The following ERC2 variants were observed in gnomAD, a reference collection of about 807,000 sequenced individuals.
ERC2 encodes ERC protein 2.
ERC2 carries 42 observed loss-of-function variants against 114.8 expected under a neutral mutation model. The observed-to-expected ratio is 0.37, with a 90% CI of 0.29 to 0.47. The LOEUF (loss-of-function observed/expected upper bound fraction) is 0.47, where lower values mean the gene tolerates loss of function less well. Ranked by LOEUF, ERC2 falls within the 20% of genes least tolerant of loss-of-function variation. The probability of loss-of-function intolerance (pLI) is 0.99; values close to 1 mark genes in which losing one functional copy is unlikely to be tolerated. For synonymous variants in ERC2, 454 were observed against 425.5 expected (o/e 1.07, Z -0.82); for missense variants, 939 against 1,150.7 (o/e 0.82, Z 2.66).
At chr3:56,189,721 T>A (rs1390430066) in intron 3 of ERC2, among the ~76,000 whole-genome samples, 2 of 152,168 alleles carry the variant, frequency 1.3e-5, no homozygotes, top group African/African-American at 4.8e-5. Context: ...GCACCACACA[T>A]GGAGCCTTTT....
intron 2 of ERC2, among the ~76,000 whole-genome samples, chr3:56,324,082 T>C (rs375827568): frequency 6.6e-6 from 1 of 152,314 alleles, no homozygotes; most frequent in South Asian, 2.1e-4. Flanking sequence ...TTCACCCTTA[T>C]TGGTAGTGAG....
At chr3:56,407,012 A>G (rs1347293470) in intron 2 of ERC2, among the ~76,000 whole-genome samples, 1 of 152,126 alleles carries the variant, frequency 6.6e-6, no homozygotes, top group Non-Finnish European at 1.5e-5. Context: ...TCTGCTTGGA[A>G]ATTTTCCTGG....
intron 7 of ERC2, among the ~76,000 whole-genome samples, chr3:56,068,573 C>T (rs1368907567): frequency 6.6e-6 from 1 of 151,710 alleles, no homozygotes; most frequent in African/African-American, 2.4e-5. Flanking sequence ...TAGTTATTTC[C>T]TGTCTTCAGT....
At chr3:56,434,116 A>C in intron 2 of ERC2, 20 of 495,638 alleles carry the variant, frequency 4.0e-5, no homozygotes, top group Non-Finnish European at 4.3e-5. Flanking sequence ...TCCCCACCCC[A>C]CCCCTCTCCC....
chr3:56,137,375 T>C (rs561540401), intron 6 of ERC2, among the ~76,000 whole-genome samples: 2 of 151,988 alleles, frequency 1.3e-5, no homozygotes, highest in African/African-American at 2.4e-5. Flanking sequence ...TGAAGAAAAA[T>C]GAATGCTCTA....
In ERC2 at chr3:55,599,322, A is replaced by G. The variant is rs533146622; in HGVS notation, c.*39+84472T>C. Among the ~76,000 whole-genome samples, 9 of 152,298 alleles carry G rather than the reference A, an allele frequency of 5.9e-5. No individual in the cohort carries two copies. In the South Asian group the frequency reaches 1.9e-3, roughly 32 times the overall value. On this transcript the variant is annotated intron_variant, in intron 17 of 17. Transcript: ENST00000288221. ...CATCCTATGAAGCATGGAGACTGCA[A>G]AGGAAGACAGAGAAGACAACTTGAT...
chr3:56,173,606 G>A (rs6764295), intron 3 of ERC2, 86 bp from the exon 4 acceptor site: 86,872 of 1,285,954 alleles, frequency 0.068, 4,083 homozygotes, highest in Admixed American at 0.18. Flanking sequence ...ACAGCCTGCT[G>A]GGTCCTGGTT....
intron 14 of ERC2, among the ~76,000 whole-genome samples, chr3:55,831,346 G>C (rs1575753532): frequency 9.0e-6 from 1 of 111,058 alleles, no homozygotes; most frequent in Non-Finnish European, 1.9e-5. Context: ...AGGAAGGGGA[G>C]GGGAGGGGAG....
At chr3:55,635,230 C>G (rs767963046) in intron 17 of ERC2, among the ~76,000 whole-genome samples, 1 of 151,856 alleles carries the variant, frequency 6.6e-6, no homozygotes, top group Non-Finnish European at 1.5e-5. Context: ...CTTATCCAGA[C>G]AGTCATCTGC....
chr3:56,212,604 G>T (rs1432843369), intron 3 of ERC2, among the ~76,000 whole-genome samples: 33 of 152,130 alleles, frequency 2.2e-4, no homozygotes, highest in Admixed American at 2.2e-3. Context: ...CCACTCCTGG[G>T]TATCTACCCA....
intron 2 of ERC2, among the ~76,000 whole-genome samples, chr3:56,306,480 C>T (rs893372532): frequency 4.6e-5 from 7 of 152,000 alleles, no homozygotes; most frequent in Non-Finnish European, 5.9e-5. Flanking sequence ...GAATATTGAA[C>T]GGAAGAAGTA....
intron 14 of ERC2, among the ~76,000 whole-genome samples, chr3:55,749,641 T>C (rs957620402): frequency 2.0e-5 from 3 of 152,114 alleles, no homozygotes; most frequent in African/African-American, 4.8e-5. Context: ...ATTCTAAAAG[T>C]AGCCAATTGC....
chr3:56,434,703 G>A lies in ERC2; in HGVS notation c.305C>T (p.Pro102Leu), dbSNP rs2061940995. 1 of 1,613,744 alleles carries A rather than the reference G, an allele frequency of 6.2e-7. No individual in the cohort carries two copies. Among genetic ancestry groups the A allele is most frequent in the Non-Finnish European group, 8.5e-7 (1 of 1,179,878 alleles). The change falls in exon 2 of 18, where the codon CCC (proline) becomes CTC (leucine). Residue 102 changes from proline (P) to leucine (L), a missense_variant. Physicochemically the swap from Pro to Leu is moderately conservative, Grantham distance 98. Transcript: ENST00000288221. ...GGAAAGTCCAGCAGAAGCAATATTGGGACTACTCCCCATGGCTGTGACACG... is the reference window on the plus strand; with the variant it reads ...GGAAAGTCCAGCAGAAGCAATATTGAGACTACTCCCCATGGCTGTGACACG... ...GGRVTAMGSS[P>L]NIASAGLSHT...
intron 10 of ERC2, among the ~76,000 whole-genome samples, chr3:55,994,104 T>G (rs958355517): frequency 6.6e-6 from 1 of 152,162 alleles, no homozygotes; most frequent in Admixed American, 6.5e-5. Context: ...TCTCTTTCAT[T>G]TTCATACTGT....
chr3:55,639,463 G>A (rs778401667), intron 17 of ERC2, among the ~76,000 whole-genome samples: 1 of 152,074 alleles, frequency 6.6e-6, no homozygotes, highest in Non-Finnish European at 1.5e-5. Context: ...CTACAGGAGG[G>A]AGAGAAAGTA....
intron 2 of ERC2, among the ~76,000 whole-genome samples, chr3:56,368,003 C>T (rs1473989533): frequency 6.8e-6 from 1 of 147,664 alleles, no homozygotes; most frequent in Admixed American, 6.7e-5. Context: ...AAAAGTCATA[C>T]CCAAAACATT....
intron 15 of ERC2, among the ~76,000 whole-genome samples, chr3:55,723,623 T>G (rs1185024165): frequency 1.3e-5 from 2 of 152,204 alleles, no homozygotes; most frequent in African/African-American, 4.8e-5. Flanking sequence ...AATTTTAAAT[T>G]CCAAGTCTGA....
At chr3:56,028,792 C>T (rs2074204187) in intron 7 of ERC2, among the ~76,000 whole-genome samples, 1 of 151,994 alleles carries the variant, frequency 6.6e-6, no homozygotes, top group Non-Finnish European at 1.5e-5. Flanking sequence ...AAAAGGATGA[C>T]ACTTTTTTCT....
chr3:56,187,596 G>T (rs1204476327), intron 3 of ERC2, among the ~76,000 whole-genome samples: 1 of 152,132 alleles, frequency 6.6e-6, no homozygotes, highest in Non-Finnish European at 1.5e-5. Flanking sequence ...CACTGTTATA[G>T]GTCCTGCAGA....
Sources: gnomAD v4.1 joint callset for allele counts (sites outside exome capture counted in the v4.1 genomes callset) on GRCh38, gnomAD v4.1.1 for gene constraint, MANE v1.5 for transcripts, NCBI Gene and HGNC (gene_info 2026-07-23, HGNC 2026-07-21) for gene names.